SCAF4: variants seen among roughly 807,000 people sequenced by gnomAD.
SCAF4 encodes SR-related CTD associated factor 4, also known as SR-related and CTD-associated factor 4.
SCAF4 carries 25 observed loss-of-function variants against 129.8 expected under a neutral mutation model. The observed-to-expected ratio is 0.19, with a 90% CI of 0.14 to 0.27. SCAF4 has a LOEUF of 0.27. Among genes scored for constraint, SCAF4 ranks in the 10% least tolerant of loss-of-function variants. The pLI is 1.00. For missense variants in SCAF4, 1,246 were observed against 1,457.1 expected, an observed-to-expected ratio of 0.86 and a Z score of 2.36; for synonymous variants, 551 against 497.7, an observed-to-expected ratio of 1.11 and a Z score of -1.43.
intron 16 of SCAF4, among the ~76,000 whole-genome samples, chr21:31,686,259 G>A (rs959856461): frequency 7.3e-5 from 11 of 149,934 alleles, no homozygotes; most frequent in Admixed American, 2.0e-4. Flanking sequence ...TCAAAGTTGC[G>A]CTCTTCACTT....
At chr21:31,701,636 C>G (rs1262213147) in intron 6 of SCAF4, 140 bp downstream of exon 6, 20 of 847,222 alleles carry the variant, frequency 2.4e-5, no homozygotes, top group Non-Finnish European at 3.5e-5. Context: ...TCCTACATTA[C>G]TTCTCTTGTG....
chr21:31,699,134 G>C (rs1033975599), intron 7 of SCAF4, among the ~76,000 whole-genome samples: 12 of 152,050 alleles, frequency 7.9e-5, no homozygotes, highest in African/African-American at 2.9e-4. Flanking sequence ...TATATTAGTG[G>C]GATAGAACAG....
intron 1 of SCAF4, among the ~76,000 whole-genome samples, chr21:31,717,872 TATAC>T: frequency 1.8e-5 from 1 of 56,844 alleles, no homozygotes; most frequent in South Asian, 5.0e-4. Flanking sequence ...CACACACACA[TATAC>T]ACATATATAC....
intron 1 of SCAF4, among the ~76,000 whole-genome samples, chr21:31,716,692 C>T (rs775423405): frequency 3.3e-5 from 5 of 152,108 alleles, no homozygotes. Flanking sequence ...TAAAACACTA[C>T]TGCTAGAACA....
At chr21:31,727,833 T>G (rs887271262) in intron 1 of SCAF4, among the ~76,000 whole-genome samples, 2 of 152,044 alleles carry the variant, frequency 1.3e-5, no homozygotes, top group Admixed American at 1.3e-4. Flanking sequence ...TTCCACAAAC[T>G]TTAGCAAATT....
intron 1 of SCAF4, among the ~76,000 whole-genome samples, chr21:31,726,844 T>C (rs548498638): frequency 4.6e-5 from 7 of 152,272 alleles, no homozygotes; most frequent in African/African-American, 1.4e-4. Flanking sequence ...AGGTCAAAGC[T>C]GCAGTAAGCC....
At chr21:31,697,726 C>T (rs1451360189) in intron 7 of SCAF4, among the ~76,000 whole-genome samples, 1 of 152,180 alleles carries the variant, frequency 6.6e-6, no homozygotes, top group Non-Finnish European at 1.5e-5. Flanking sequence ...CTTTATTGAA[C>T]AACACATTTC....
chr21:31,714,703 A>C (rs1306012852), intron 1 of SCAF4, among the ~76,000 whole-genome samples: 2 of 152,206 alleles, frequency 1.3e-5, no homozygotes, highest in African/African-American at 4.8e-5. Flanking sequence ...AGTGGCATAA[A>C]CCTTAACAAG....
In SCAF4 at chr21:31,671,201, T is replaced by C. The variant is rs767894224; in HGVS notation, c.*198A>G. 6.9e-5 allele frequency: 34 copies of C among 489,742 alleles called. No individual in the cohort carries two copies. Among genetic ancestry groups the C allele is most frequent in the Admixed American group, 1.1e-4 (3 of 26,834 alleles). The allele number at this position is 489,742 out of a possible 1,614,324, so 30.3% of individuals were successfully genotyped here. ...TAAAAAGTTACAGCAAAAAGGGTAA[T>C]ATTTATTCATATTTTCAGTATTTTT... is the stretch of plus-strand genomic sequence containing the variant. On this transcript the variant is annotated 3_prime_UTR_variant, in exon 20 of 20. Coordinates refer to ENST00000286835, the MANE Select transcript of SCAF4 (RefSeq NM_020706.2).
Position 31,702,256 on chromosome 21 carries a change from T to C in SCAF4, c.445A>G (p.Thr149Ala), listed in dbSNP as rs2050550788. 6.2e-7 allele frequency: 1 copy of C among 1,613,952 alleles called. No homozygotes were observed. The highest frequency in any genetic ancestry group is 8.5e-7 in the Non-Finnish European group (1 of 1,179,994). ...CATCTGACCATACCTTCATTATTGG[T>C]AACATTTTCTGCTACTGGGGCTGCA... ...SNAAPVAENV[T>A]NNEGSPPPPV... The change falls in exon 5 of 20, where the codon ACC becomes GCC. Residue 149 changes from threonine to alanine, a missense_variant. Thr to Ala is a moderately conservative substitution (Grantham distance 58, BLOSUM62 0). Transcript: ENST00000286835.
In SCAF4 at chr21:31,674,607, C is replaced by T. The variant is rs184175087; in HGVS notation, c.2489-2253G>A. Among the ~76,000 whole-genome samples, 90 of 152,228 alleles carry T rather than the reference C, an allele frequency of 5.9e-4. 1 individual carries two copies. Among genetic ancestry groups the T allele is most frequent in the African/African-American group, 2.0e-3 (83 of 41,528 alleles). ...TTTATAACCAGTTATATTAAAAACA[C>T]ATTAGGTGGCAGAAGACTGGCAAGC... On this transcript the variant is annotated intron_variant, in intron 19 of 19. Coordinates refer to ENST00000286835, the MANE Select transcript of SCAF4 (RefSeq NM_020706.2).
chr21:31,728,225 CTT>C (rs766892027), intron 1 of SCAF4, among the ~76,000 whole-genome samples: 4 of 152,178 alleles, frequency 2.6e-5, no homozygotes, highest in Non-Finnish European at 5.9e-5. Flanking sequence ...AAGCTAAAGA[CTT>C]ATATATATAC....
chr21:31,699,790 A>G (rs1315722779), intron 7 of SCAF4, among the ~76,000 whole-genome samples: 2 of 152,206 alleles, frequency 1.3e-5, no homozygotes, highest in Non-Finnish European at 2.9e-5. Flanking sequence ...GATGTTTTAT[A>G]AAGCCATAAA....
rs777428191 is a variant in SCAF4, at chr21:31,685,465, G to A, written c.2229C>T (p.Pro743=). The change falls in exon 18 of 20, where the codon CCC becomes CCT. Residue 743 remains proline, a synonymous_variant. Transcript: ENST00000286835. The stretch of plus-strand genomic sequence containing the variant: ...ATACTGGTGGAGTTATAGGAGGTGG[G>A]GGTCCAGGAGGCAGAAAACCTAGAA... ...HLPPGFLPPG[P]PPPITPPVSI... 1.9e-6 allele frequency: 3 copies of A among 1,613,488 alleles called. No homozygotes were observed. Among genetic ancestry groups the A allele is most frequent in the East Asian group, 4.5e-5 (2 of 44,890 alleles).
intron 16 of SCAF4, among the ~76,000 whole-genome samples, chr21:31,687,457 AAC>A (rs1426915007): frequency 2.0e-5 from 3 of 152,276 alleles, no homozygotes; most frequent in East Asian, 1.9e-4. Flanking sequence ...GAATATAAAC[AAC>A]AGAGTTGAGA....
At chr21:31,682,111 C>G (rs1190141941) in intron 19 of SCAF4, among the ~76,000 whole-genome samples, 1 of 152,120 alleles carries the variant, frequency 6.6e-6, no homozygotes, top group African/African-American at 2.4e-5. Context: ...TCTGAGGCAA[C>G]TATGTCAAGA....
At chr21:31,680,088 C>T (rs2049961440) in intron 19 of SCAF4, among the ~76,000 whole-genome samples, 1 of 152,150 alleles carries the variant, frequency 6.6e-6, no homozygotes, top group South Asian at 2.1e-4. Context: ...CAATCTAGAG[C>T]CCAGAGTTAC....
At chr21:31,711,863 C>A (rs1197037540) in intron 1 of SCAF4, among the ~76,000 whole-genome samples, 1 of 151,990 alleles carries the variant, frequency 6.6e-6, no homozygotes, top group Non-Finnish European at 1.5e-5. Context: ...GATGTGCCTA[C>A]CCAAGCAACA....
chr21:31,679,798 T>C (rs1328197592), intron 19 of SCAF4, among the ~76,000 whole-genome samples: 1 of 152,194 alleles, frequency 6.6e-6, no homozygotes, highest in Non-Finnish European at 1.5e-5. Context: ...CTTGGTTTTT[T>C]CAAAATAATG....
Sources: gnomAD v4.1 joint callset for allele counts (sites outside exome capture counted in the v4.1 genomes callset) on GRCh38, gnomAD v4.1.1 for gene constraint, MANE v1.5 for transcripts, NCBI Gene and HGNC (gene_info 2026-07-23, HGNC 2026-07-21) for gene names.